Variants in ADCY5 observed in about 807,000 individuals in gnomAD.
ADCY5 encodes adenylate cyclase 5.
Under a neutral mutation model 119.7 loss-of-function variants are expected in ADCY5, and 30 were observed. The ratio of observed to expected loss-of-function variants is 0.25; its 90% CI spans 0.19 to 0.34. The LOEUF (loss-of-function observed/expected upper bound fraction) is 0.34, where lower values mean the gene tolerates loss of function less well. Among genes scored for constraint, ADCY5 ranks in the 10% least tolerant of loss-of-function variants. The pLI, the probability that ADCY5 is intolerant of heterozygous loss-of-function variation, is 1.00. For missense variants in ADCY5, 1,324 were observed against 1,775.2 expected (o/e 0.75, Z 4.57); for synonymous variants, 753 against 762.2 (o/e 0.99, Z 0.20).
At chr3:123,424,366 T>TG (rs1220430461) in intron 1 of ADCY5, among the ~76,000 whole-genome samples, 1 of 152,104 alleles carries the variant, frequency 6.6e-6, no homozygotes, top group Admixed American at 6.5e-5. Context: ...CTCTACAAGA[T>TG]GGGGGTTTGG....
At chr3:123,318,665 T>A (rs993198774) in intron 10 of ADCY5, among the ~76,000 whole-genome samples, 2 of 152,222 alleles carry the variant, frequency 1.3e-5, no homozygotes, top group African/African-American at 4.8e-5. Flanking sequence ...CAGGTCCATA[T>A]ACTGCTGGTC....
At chr3:123,374,949 C>G (rs1943766554) in intron 1 of ADCY5, among the ~76,000 whole-genome samples, 1 of 152,186 alleles carries the variant, frequency 6.6e-6, no homozygotes, top group Non-Finnish European at 1.5e-5. Flanking sequence ...TGAGAAGTGC[C>G]CATCAATGGG....
chr3:123,316,992 A>C (rs1940943693), intron 11 of ADCY5, among the ~76,000 whole-genome samples: 1 of 152,026 alleles, frequency 6.6e-6, no homozygotes, highest in Non-Finnish European at 1.5e-5. Flanking sequence ...GAATTACATA[A>C]TAAAAAGTAA....
At chr3:123,322,496 A>G (rs1227963718) in intron 8 of ADCY5, among the ~76,000 whole-genome samples, 3 of 152,154 alleles carry the variant, frequency 2.0e-5, no homozygotes, top group Admixed American at 1.3e-4. Context: ...AGTTGGTAAC[A>G]GTACAGAAAA....
intron 1 of ADCY5, among the ~76,000 whole-genome samples, chr3:123,372,363 G>C (rs894508035): frequency 1.3e-5 from 2 of 152,114 alleles, no homozygotes; most frequent in African/African-American, 4.8e-5. Flanking sequence ...GAAGATCCAG[G>C]GAAACATCAC....
chr3:123,400,081 A>C (rs1049045154), intron 1 of ADCY5, among the ~76,000 whole-genome samples: 1 of 152,208 alleles, frequency 6.6e-6, no homozygotes, highest in Non-Finnish European at 1.5e-5. Flanking sequence ...TTGTCTCTGC[A>C]ATAGGAGGGA....
chr3:123,400,874 G>A (rs1035341638), intron 1 of ADCY5, among the ~76,000 whole-genome samples: 1 of 152,040 alleles, frequency 6.6e-6, no homozygotes, highest in African/African-American at 2.4e-5. Context: ...AACCTGGGAG[G>A]TGGAGGTTGC....
chr3:123,297,297 C>T, intron 16 of ADCY5, 56 bp downstream of exon 16: 2 of 1,597,844 alleles, frequency 1.3e-6, no homozygotes, highest in Admixed American at 3.3e-5. Flanking sequence ...GCTGCCCTCC[C>T]TGTCTGCTCT....
In ADCY5 at chr3:123,297,348, C is replaced by T. The variant is rs2108232167; in HGVS notation, c.2930+5G>A. The T allele has an allele frequency of 6.2e-7, 1 of 1,613,906 alleles. No individual in the cohort carries two copies. Among genetic ancestry groups the T allele is most frequent in the Non-Finnish European group, 8.5e-7 (1 of 1,179,936 alleles). ...AGCGACCCTATCCGAGGAGCATCAACTCACCACTGGGAGGTCCCGTTGTTG... is the reference window on the plus strand; with the variant it reads ...AGCGACCCTATCCGAGGAGCATCAATTCACCACTGGGAGGTCCCGTTGTTG... On this transcript the variant is annotated splice_donor_5th_base_variant and intron_variant, in intron 16 of 20. Transcript: ENST00000462833.
intron 7 of ADCY5, among the ~76,000 whole-genome samples, chr3:123,326,584 G>A (rs1941496474): frequency 6.6e-6 from 1 of 152,196 alleles, no homozygotes; most frequent in South Asian, 2.1e-4. Flanking sequence ...TAAAGAGCCT[G>A]GAGGACCCAG....
intron 1 of ADCY5, among the ~76,000 whole-genome samples, chr3:123,393,796 C>T (rs147943307): frequency 6.6e-6 from 1 of 151,642 alleles, no homozygotes; most frequent in Non-Finnish European, 1.5e-5. Flanking sequence ...CTCCCTCCCG[C>T]CCCGGCTGCT....
At chr3:123,324,583 T>C (rs965039710) in intron 8 of ADCY5, among the ~76,000 whole-genome samples, 1 of 152,098 alleles carries the variant, frequency 6.6e-6, no homozygotes, top group Non-Finnish European at 1.5e-5. Context: ...TCTCAGACAG[T>C]AGGAGAGGAA....
intron 1 of ADCY5, among the ~76,000 whole-genome samples, chr3:123,379,228 C>G (rs552874766): frequency 1.3e-5 from 2 of 152,232 alleles, no homozygotes; most frequent in South Asian, 4.1e-4. Flanking sequence ...CCACCCCCAG[C>G]GAGGAACACA....
chr3:123,322,093 C>T (rs1941248452), intron 8 of ADCY5, among the ~76,000 whole-genome samples: 1 of 152,202 alleles, frequency 6.6e-6, no homozygotes, highest in South Asian at 2.1e-4. Context: ...TGAGCTCTCC[C>T]TCTGGGGGGC....
intron 12 of ADCY5, 122 bp from the exon 13 acceptor site, chr3:123,304,305 T>C (rs1031994604): frequency 5.9e-6 from 4 of 677,960 alleles, no homozygotes; most frequent in African/African-American, 3.5e-5. Context: ...GCATGACCCC[T>C]GGGCCTTCCT....
intron 1 of ADCY5, among the ~76,000 whole-genome samples, chr3:123,413,036 TCACCGTCCTCAGCAGA>T (rs957975819): frequency 8.2e-4 from 125 of 152,284 alleles, no homozygotes; most frequent in African/African-American, 2.9e-3. Context: ...GGAGACGACC[TCACCGTCCTCAGCAGA>T]CACAGGCTTC....
chr3:123,301,127 G>C (rs1939821914), intron 14 of ADCY5, among the ~76,000 whole-genome samples: 1 of 151,228 alleles, frequency 6.6e-6, no homozygotes, highest in South Asian at 2.1e-4. Context: ...ATCTGCTGCT[G>C]TCCCTTGATG....
At chr3:123,327,523 T>G (rs1046271926) in intron 7 of ADCY5, 95 bp downstream of exon 7, 121 of 1,308,484 alleles carry the variant, frequency 9.2e-5, no homozygotes, top group Non-Finnish European at 1.2e-4. Context: ...AATTCATGAC[T>G]TCACTCAAGG....
intron 1 of ADCY5, among the ~76,000 whole-genome samples, chr3:123,439,107 C>T (rs896251625): frequency 1.9e-5 from 1 of 51,874 alleles, no homozygotes; most frequent in African/African-American, 7.5e-5. Flanking sequence ...CTCGCTCTAT[C>T]ACCCACCTAG....
Sources: gnomAD v4.1 joint callset for allele counts (sites outside exome capture counted in the v4.1 genomes callset) on GRCh38, gnomAD v4.1.1 for gene constraint, MANE v1.5 for transcripts, NCBI Gene and HGNC (gene_info 2026-07-23, HGNC 2026-07-21) for gene names.